Variants in LRRTM4 observed in about 807,000 individuals in gnomAD.
LRRTM4 encodes the protein leucine-rich repeat transmembrane neuronal protein 4.
LRRTM4 carries 25 observed loss-of-function variants against 47.6 expected under a neutral mutation model. The observed-to-expected ratio is 0.53, with a 90% CI of 0.38 to 0.73. LRRTM4 has a LOEUF of 0.73. Ranked by LOEUF, LRRTM4 falls within the 30% of genes least tolerant of loss-of-function variation. The pLI is 0.00. For missense variants in LRRTM4, 638 were observed against 713.4 expected (o/e 0.89, Z 1.20); for synonymous variants, 311 against 269.5 (o/e 1.15, Z -1.51).
chr2:76,998,943 T>G (rs1199261058), intron 3 of LRRTM4, among the ~76,000 whole-genome samples: 1 of 152,024 alleles, frequency 6.6e-6, no homozygotes, highest in Non-Finnish European at 1.5e-5. Context: ...CTCAACAGTA[T>G]AAGAACTGTA....
At chr2:76,961,086 ACTTTCATTTTT>A in intron 3 of LRRTM4, among the ~76,000 whole-genome samples, 1 of 151,366 alleles carries the variant, frequency 6.6e-6, no homozygotes, top group South Asian at 2.1e-4. Flanking sequence ...CTCATTATCT[ACTTTCATTTTT>A]ATTTATTACA....
chr2:77,311,321 A>C (rs540490685), intron 3 of LRRTM4, among the ~76,000 whole-genome samples: 56 of 152,286 alleles, frequency 3.7e-4, no homozygotes, highest in African/African-American at 1.2e-3. Flanking sequence ...TGCATTTTTA[A>C]AACATTTTTC....
chr2:76,929,448 T>C (rs1359515540), intron 3 of LRRTM4, among the ~76,000 whole-genome samples: 1 of 152,178 alleles, frequency 6.6e-6, no homozygotes, highest in East Asian at 1.9e-4. Context: ...TTGCAGAGAA[T>C]ATTTGTCCAC....
chr2:76,815,315 G>T (rs1306272688), intron 3 of LRRTM4, among the ~76,000 whole-genome samples: 1 of 152,060 alleles, frequency 6.6e-6, no homozygotes, highest in Non-Finnish European at 1.5e-5. Flanking sequence ...ACGGGTGACT[G>T]TGTTGCTCAC....
intron 3 of LRRTM4, among the ~76,000 whole-genome samples, chr2:76,951,371 A>G (rs1675487861): frequency 6.6e-6 from 1 of 151,994 alleles, no homozygotes; most frequent in African/African-American, 2.4e-5. Context: ...GGAGTCTATA[A>G]AAAAACAATT....
At chr2:76,937,332 G>A (rs1674989243) in intron 3 of LRRTM4, among the ~76,000 whole-genome samples, 1 of 152,044 alleles carries the variant, frequency 6.6e-6, no homozygotes, top group South Asian at 2.1e-4. Flanking sequence ...GAGGAAAAAT[G>A]GGGGTTTCTA....
intron 1 of LRRTM4, 100 bp from the exon 2 acceptor site, chr2:77,521,918 G>T (rs1286889039): frequency 3.9e-6 from 2 of 513,972 alleles, no homozygotes; most frequent in Admixed American, 3.6e-5. Flanking sequence ...GGATGGTTGT[G>T]GGGGCAGGGA....
intron 3 of LRRTM4, among the ~76,000 whole-genome samples, chr2:76,775,677 C>T (rs889102729): frequency 2.0e-5 from 3 of 152,132 alleles, no homozygotes; most frequent in Admixed American, 6.5e-5. Context: ...ATAAATCTGA[C>T]TACATTTGCA....
At chr2:77,267,827 G>T (rs7563141) in intron 3 of LRRTM4, among the ~76,000 whole-genome samples, 8,641 of 139,670 alleles carry the variant, frequency 0.062, 880 homozygotes, top group African/African-American at 0.21. Context: ...AATGAGAAAA[G>T]GTCTTAGTAT....
intron 3 of LRRTM4, among the ~76,000 whole-genome samples, chr2:77,171,565 C>T (rs542534746): frequency 1.7e-4 from 26 of 152,022 alleles, no homozygotes; most frequent in East Asian, 3.9e-4. Context: ...GTGTGAGTCA[C>T]GGCGACTGGC....
At chr2:77,240,978 T>C (rs576435448) in intron 3 of LRRTM4, among the ~76,000 whole-genome samples, 1 of 152,006 alleles carries the variant, frequency 6.6e-6, no homozygotes, top group African/African-American at 2.4e-5. Flanking sequence ...ATGCTGATTT[T>C]CCCCAAATTG....
At chr2:77,379,248 C>A (rs1672957495) in intron 3 of LRRTM4, among the ~76,000 whole-genome samples, 1 of 151,928 alleles carries the variant, frequency 6.6e-6, no homozygotes, top group Non-Finnish European at 1.5e-5. Context: ...CCTGTTTTGG[C>A]GATCTAGTTT....
intron 3 of LRRTM4, among the ~76,000 whole-genome samples, chr2:77,500,919 C>G (rs1156519008): frequency 6.6e-6 from 1 of 151,222 alleles, no homozygotes; most frequent in East Asian, 1.9e-4. Context: ...ATTCCAGAAG[C>G]ATACAAACAA....
At chr2:77,137,310 G>T (rs1010755201) in intron 3 of LRRTM4, among the ~76,000 whole-genome samples, 1 of 151,794 alleles carries the variant, frequency 6.6e-6, no homozygotes, top group African/African-American at 2.4e-5. Context: ...AAAGAGTGGG[G>T]GCCAATATTC....
At chr2:76,883,994 T>G (rs1483813816) in intron 3 of LRRTM4, among the ~76,000 whole-genome samples, 4 of 151,990 alleles carry the variant, frequency 2.6e-5, no homozygotes, top group Admixed American at 6.6e-5. Context: ...ATTTTTTTTT[T>G]TTTTTGGTAG....
rs188781911 is a variant in LRRTM4 at position 77,401,228 on chromosome 2, T to C, written c.1551+117090A>G. Among the ~76,000 whole-genome samples the C allele has an allele frequency of 1.9e-4, 29 of 152,060 alleles. No homozygotes were observed. The East Asian group carries it at 4.1e-3, about 21-fold the overall frequency. On this transcript the variant is annotated intron_variant, in intron 3 of 3. Coordinates refer to ENST00000409884, the MANE Select transcript of LRRTM4 (RefSeq NM_001134745.3). ...TGAATACCTGCTAAATCAGAAGTGCTGGGGTAAGGCCCAGCAATTGCACCT... is the reference window on the plus strand; with the variant it reads ...TGAATACCTGCTAAATCAGAAGTGCCGGGGTAAGGCCCAGCAATTGCACCT...
intron 3 of LRRTM4, among the ~76,000 whole-genome samples, chr2:77,056,378 A>T (rs1334448324): frequency 6.6e-6 from 1 of 152,130 alleles, no homozygotes; most frequent in African/African-American, 2.4e-5. Flanking sequence ...TACATCAAGA[A>T]CTTGTACAAA....
intron 3 of LRRTM4, among the ~76,000 whole-genome samples, chr2:77,515,584 A>C (rs890235011): frequency 4.0e-5 from 6 of 151,718 alleles, no homozygotes; most frequent in Admixed American, 3.3e-4. Flanking sequence ...TATTGGGTAG[A>C]GTTTGGTGTT....
At position 77,088,255 on chromosome 2, in the gene LRRTM4, G is replaced by A. The variant is rs539864010; in HGVS notation, c.1552-339339C>T. Among the ~76,000 whole-genome samples the A allele has an allele frequency of 3.9e-4, 59 of 152,242 alleles. 1 individual carries two copies. Among genetic ancestry groups the A allele is most frequent in the African/African-American group, 1.4e-3 (58 of 41,544 alleles). The stretch of plus-strand genomic sequence containing the variant: ...TCACACAGAACAGCCTGAAGCAATC[G>A]CGTCCCCTGTGACTTGCACGTATAC... On this transcript the variant is annotated intron_variant, in intron 3 of 3. Coordinates refer to ENST00000409884, the MANE Select transcript of LRRTM4 (RefSeq NM_001134745.3).
Sources: gnomAD v4.1 joint callset for allele counts (sites outside exome capture counted in the v4.1 genomes callset) on GRCh38, gnomAD v4.1.1 for gene constraint, MANE v1.5 for transcripts, NCBI Gene and HGNC (gene_info 2026-07-23, HGNC 2026-07-21) for gene names.